The following ANKRD44 variants were observed in gnomAD, a reference collection of about 807,000 sequenced individuals.
ANKRD44 encodes serine/threonine-protein phosphatase 6 regulatory ankyrin repeat subunit B.
In ANKRD44, 35 loss-of-function variants were observed where a neutral mutation model predicts 116.0. The observed-to-expected ratio is 0.30, with a 90% CI of 0.23 to 0.40. The LOEUF is 0.40. Among genes scored for constraint, ANKRD44 ranks in the 10% least tolerant of loss-of-function variants. ANKRD44 has a pLI of 1.00. For missense variants in ANKRD44, 1,014 were observed against 1,242.6 expected (o/e 0.82, Z 2.77); for synonymous variants, 435 against 461.8 (o/e 0.94, Z 0.74).
chr2:197,115,997 C>T (rs2078698204), intron 8 of ANKRD44, among the ~76,000 whole-genome samples: 1 of 152,110 alleles, frequency 6.6e-6, no homozygotes, highest in Non-Finnish European at 1.5e-5. Flanking sequence ...TTTAAAATGG[C>T]ATTTCTTATA....
intron 1 of ANKRD44, among the ~76,000 whole-genome samples, chr2:197,308,513 A>C (rs1305913512): frequency 7.1e-6 from 1 of 140,410 alleles, no homozygotes; most frequent in African/African-American, 2.6e-5. Flanking sequence ...TCCCCACCCC[A>C]TCTCCTTCTG....
intron 1 of ANKRD44, among the ~76,000 whole-genome samples, chr2:197,307,300 CTA>C (rs2084100449): frequency 1.3e-5 from 2 of 152,118 alleles, no homozygotes; most frequent in African/African-American, 4.8e-5. Flanking sequence ...TGAGGATGTT[CTA>C]TGTTACACAG....
chr2:197,110,206 A>T (rs572626917), intron 9 of ANKRD44, among the ~76,000 whole-genome samples: 1 of 152,166 alleles, frequency 6.6e-6, no homozygotes, highest in Non-Finnish European at 1.5e-5. Flanking sequence ...CGAACTCCTG[A>T]CCTCAGGTGA....
At chr2:197,143,733 G>C (rs1431765063) in intron 3 of ANKRD44, among the ~76,000 whole-genome samples, 1 of 152,052 alleles carries the variant, frequency 6.6e-6, no homozygotes, top group Non-Finnish European at 1.5e-5. Flanking sequence ...AGGCTCAAGT[G>C]ATTCTCCTGC....
intron 1 of ANKRD44, among the ~76,000 whole-genome samples, chr2:197,206,813 G>T (rs946486605): frequency 6.6e-6 from 1 of 152,144 alleles, no homozygotes; most frequent in Non-Finnish European, 1.5e-5. Flanking sequence ...ATCATCAATT[G>T]TCAAAGAGTC....
intron 17 of ANKRD44, chr2:197,015,923 G>C (rs760501972): frequency 8.7e-5 from 46 of 530,392 alleles, no homozygotes; most frequent in Admixed American, 1.5e-4. Context: ...TCCATGAAAG[G>C]GGGTAGTTTT....
intron 4 of ANKRD44, among the ~76,000 whole-genome samples, chr2:197,131,591 TC>T (rs989371117): frequency 2.6e-5 from 4 of 152,284 alleles, no homozygotes; most frequent in South Asian, 2.1e-4. Context: ...TTTTAACTTT[TC>T]TAACCAAAAG....
chr2:196,978,997 T>G (rs2075779504), intron 21 of ANKRD44, among the ~76,000 whole-genome samples: 1 of 152,036 alleles, frequency 6.6e-6, no homozygotes, highest in Admixed American at 6.6e-5. Context: ...GATTATTAAT[T>G]CTGGAGCCAC....
chr2:197,101,368 C>T (rs2078289768), intron 9 of ANKRD44, among the ~76,000 whole-genome samples: 1 of 152,096 alleles, frequency 6.6e-6, no homozygotes, highest in Non-Finnish European at 1.5e-5. Context: ...GCAACAATTC[C>T]CAGAGCAGAT....
chr2:196,974,844 C>T (rs1421854847), intron 21 of ANKRD44, among the ~76,000 whole-genome samples: 1 of 150,974 alleles, frequency 6.6e-6, no homozygotes, highest in Non-Finnish European at 1.5e-5. Context: ...GAGCTGAGGT[C>T]ATGCCACTGC....
intron 13 of ANKRD44, among the ~76,000 whole-genome samples, chr2:197,086,165 A>G (rs1403164661): frequency 6.6e-6 from 1 of 152,068 alleles, no homozygotes; most frequent in Non-Finnish European, 1.5e-5. Context: ...AAAATTATAT[A>G]TATACATGAA....
intron 1 of ANKRD44, among the ~76,000 whole-genome samples, chr2:197,245,051 C>T (rs991275144): frequency 3.9e-5 from 6 of 152,064 alleles, no homozygotes; most frequent in African/African-American, 7.3e-5. Context: ...AAGGTGGGTC[C>T]GGATTTTGAG....
Position 196,989,174 on chromosome 2 carries a change from T to G in ANKRD44, c.*417A>C. On this transcript the variant is annotated 3_prime_UTR_variant, in exon 28 of 28. Coordinates refer to ENST00000282272, the MANE Select transcript of ANKRD44 (RefSeq NM_001195144.2). ...TATTCTAAATAAGATACATAGCAAT[T>G]AAAATAGAGAACAAATAATGGATGT... The G allele has an allele frequency of 1.0e-6, 1 of 982,570 alleles. No individual in the cohort carries two copies. Among genetic ancestry groups the G allele is most frequent in the Non-Finnish European group, 1.2e-6 (1 of 827,992 alleles). 60.9% of individuals were successfully genotyped at this position (982,570 alleles called of 1,614,324 possible).
At chr2:196,979,430 G>T (rs73066823) in intron 21 of ANKRD44, among the ~76,000 whole-genome samples, 10,602 of 149,664 alleles carry the variant, frequency 0.071, 436 homozygotes, top group South Asian at 0.1. Flanking sequence ...CTACTTTCTA[G>T]GGTTGTTTTA....
chr2:197,225,888 T>C (rs2081699828), intron 1 of ANKRD44, among the ~76,000 whole-genome samples: 1 of 152,248 alleles, frequency 6.6e-6, no homozygotes. Context: ...CAAATTCTCC[T>C]AGCATAAACT....
At chr2:197,009,682 A>T (rs1484254095) in intron 18 of ANKRD44, among the ~76,000 whole-genome samples, 1 of 152,090 alleles carries the variant, frequency 6.6e-6, no homozygotes, top group Non-Finnish European at 1.5e-5. Context: ...AGTGACATTT[A>T]TTTGGACTTC....
intron 2 of ANKRD44, among the ~76,000 whole-genome samples, chr2:197,162,836 G>A (rs2125504417): frequency 6.6e-6 from 1 of 152,298 alleles, no homozygotes; most frequent in East Asian, 1.9e-4. Context: ...CAACACATCT[G>A]GCATACAGTC....
rs1296635728 is a variant in ANKRD44, at chr2:197,111,789, AAAAC to A, written c.907-949_907-946del. On this transcript the variant is annotated intron_variant, in intron 8 of 27. Coordinates refer to ENST00000282272, the MANE Select transcript of ANKRD44 (RefSeq NM_001195144.2). ...ATAAAGAAAAAGAAAAAAACAGAAA[AAAAC>A]AAAACCATAATTTTTTATTGTTCCA... Among the ~76,000 whole-genome samples the A allele has an allele frequency of 4.6e-5, 7 of 151,160 alleles. No individual in the cohort carries two copies. In the East Asian group the frequency reaches 1.3e-3, roughly 29 times the overall value.
intron 2 of ANKRD44, among the ~76,000 whole-genome samples, chr2:197,161,362 G>T (rs2079960851): frequency 6.6e-6 from 1 of 152,096 alleles, no homozygotes; most frequent in African/African-American, 2.4e-5. Context: ...GGGCTGTAGG[G>T]GGTGTTTTTC....
Sources: allele counts gnomAD v4.1 joint callset (sites outside exome capture counted in the v4.1 genomes callset), GRCh38; gene constraint gnomAD v4.1.1; transcripts MANE v1.5; gene names NCBI Gene and HGNC (gene_info 2026-07-23, HGNC 2026-07-21).